CLEC12A: variants seen among roughly 807,000 people sequenced by gnomAD.
CLEC12A encodes C-type lectin domain family 12 member A.
CLEC12A carries 22 observed loss-of-function variants against 26.5 expected under a neutral mutation model. The observed-to-expected ratio is 0.83, with a 90% CI of 0.59 to 1.19. The LOEUF is 1.19. Among genes scored for constraint, CLEC12A ranks in the 50% most tolerant of loss-of-function variants. CLEC12A has a pLI of 0.00. For missense variants in CLEC12A, 353 were observed against 315.6 expected (o/e 1.12, Z -0.90); for synonymous variants, 119 against 101.9 (o/e 1.17, Z -1.01).
At chr12:9,987,042 A>T (rs1163239367), downstream of CLEC12A, among the ~76,000 whole-genome samples, 1 of 152,240 alleles carries the variant, frequency 6.6e-6, no homozygotes, top group African/African-American at 2.4e-5. Context: ...AAAGAGAAAT[A>T]TAAATTTGCT....
chr12:10,003,370 T>C, the CLEC12A span, among the ~76,000 whole-genome samples: 4 of 152,022 alleles, frequency 2.6e-5, no homozygotes, highest in Admixed American at 2.6e-4. Context: ...TTACAAACAG[T>C]AGGGAAACTG....
downstream of CLEC12A, among the ~76,000 whole-genome samples, chr12:9,988,931 C>T (rs1406571943): frequency 1.3e-5 from 2 of 152,120 alleles, no homozygotes; most frequent in Non-Finnish European, 2.9e-5. Context: ...TATTGCAGCA[C>T]TATTCACAAT....
chr12:9,962,270 T>G (rs1484302056), intron 1 of CLEC12A, among the ~76,000 whole-genome samples: 1 of 149,012 alleles, frequency 6.7e-6, no homozygotes, highest in Non-Finnish European at 1.5e-5. Flanking sequence ...TTTTTTTTTT[T>G]TGGATCCCAA....
At chr12:9,990,303 C>T (rs1016773184), downstream of CLEC12A, among the ~76,000 whole-genome samples, 1 of 152,174 alleles carries the variant, frequency 6.6e-6, no homozygotes, top group Non-Finnish European at 1.5e-5. Flanking sequence ...CTGGAGACAA[C>T]TTACCATTCT....
At chr12:9,986,222 G>A, downstream of CLEC12A, 1 of 429,016 alleles carries the variant, frequency 2.3e-6, no homozygotes, top group Non-Finnish European at 4.7e-6. Context: ...AGCAATTTGT[G>A]CGTCAGAACA....
chr12:9,993,395 G>T, intron 4 of CLEC12A: 2 of 588,786 alleles, frequency 3.4e-6, no homozygotes, highest in Non-Finnish European at 5.1e-6. Context: ...GAGGAAAATA[G>T]GAAAAAAAAA....
chr12:9,964,404 G>T (rs1863892474), intron 1 of CLEC12A, among the ~76,000 whole-genome samples: 1 of 152,204 alleles, frequency 6.6e-6, no homozygotes. Flanking sequence ...ACAGCTAGGA[G>T]AGAATGAGTA....
intron 1 of CLEC12A, among the ~76,000 whole-genome samples, chr12:9,977,269 C>T (rs1864375941): frequency 6.6e-6 from 1 of 152,138 alleles, no homozygotes; most frequent in Non-Finnish European, 1.5e-5. Flanking sequence ...AACTTCTGTT[C>T]TCTTTCACAT....
At chr12:9,974,073 C>G (rs1864238256) in intron 1 of CLEC12A, among the ~76,000 whole-genome samples, 1 of 152,172 alleles carries the variant, frequency 6.6e-6, no homozygotes, top group Admixed American at 6.6e-5. Flanking sequence ...TAGGCTTCTG[C>G]CCCCTTGGTG....
At chr12:10,002,306 T>C in the CLEC12A span, among the ~76,000 whole-genome samples, 2 of 152,234 alleles carry the variant, frequency 1.3e-5, no homozygotes, top group African/African-American at 4.8e-5. Flanking sequence ...ATTTAATGAA[T>C]GTTAATTATG....
downstream of CLEC12A, among the ~76,000 whole-genome samples, chr12:10,000,633 T>C (rs763949315): frequency 3.3e-5 from 5 of 152,250 alleles, no homozygotes; most frequent in Non-Finnish European, 5.9e-5. Flanking sequence ...TTCCCAATCA[T>C]AAGCTGGGTA....
chr12:9,980,680 G>T lies in CLEC12A; in HGVS notation c.478G>T (p.Ala160Ser). ...DVQTWQESKM[A>S]CAAQNASLLK... ...CCAAACATGGCAGGAGAGTAAAATG[G>T]CCTGTGCTGCTCAGAATGCCAGCCT... is the stretch of plus-strand genomic sequence containing the variant. The change falls in exon 4 of 6, where the codon GCC (alanine) becomes TCC (serine). Residue 160 changes from alanine to serine, a missense_variant. Transcript: ENST00000304361. 1.2e-6 allele frequency: 2 copies of T among 1,613,828 alleles called. No individual in the cohort carries two copies. Among genetic ancestry groups the T allele is most frequent in the South Asian group, 1.1e-5 (1 of 91,078 alleles).
downstream of CLEC12A, chr12:9,985,742 A>G (rs1041254887): frequency 3.0e-6 from 1 of 328,442 alleles, no homozygotes; most frequent in African/African-American, 2.1e-5. Flanking sequence ...TCCATAACTC[A>G]TAACTGGGAG....
chr12:10,002,440 G>GTTTTTTTT, the CLEC12A span, among the ~76,000 whole-genome samples: 1 of 40,480 alleles, frequency 2.5e-5, no homozygotes, highest in Non-Finnish European at 5.0e-5. Flanking sequence ...GTTGGGTAAT[G>GTTTTTTTT]TTTTTTTTTT....
downstream of CLEC12A, chr12:9,996,692 G>C: frequency 1.3e-6 from 1 of 774,120 alleles, no homozygotes; most frequent in Non-Finnish European, 2.3e-6. Flanking sequence ...TTGAATATCT[G>C]GGTTCTGTAA....
chr12:9,953,170 C>T (rs1173176367), intron 1 of CLEC12A: 3 of 119,594 alleles, frequency 2.5e-5, no homozygotes, highest in Non-Finnish European at 3.5e-5. Context: ...CCATGCCGTC[C>T]GGGAGGGAGG....
At chr12:9,969,698 G>A (rs750064818), upstream of CLEC12A, among the ~76,000 whole-genome samples, 29 of 152,180 alleles carry the variant, frequency 1.9e-4, no homozygotes, top group Admixed American at 3.9e-4. Flanking sequence ...TGTGGTGGCC[G>A]GTTTCCATCC....
chr12:9,977,113 A>G (rs1864370335), intron 1 of CLEC12A, among the ~76,000 whole-genome samples: 1 of 152,182 alleles, frequency 6.6e-6, no homozygotes, highest in Non-Finnish European at 1.5e-5. Context: ...TTTGCTTTTT[A>G]TCACTATGAG....
intron 1 of CLEC12A, among the ~76,000 whole-genome samples, chr12:9,959,767 GA>G (rs1230689723): frequency 2.0e-5 from 3 of 152,128 alleles, no homozygotes; most frequent in Non-Finnish European, 2.9e-5. Context: ...TCTTACCTGG[GA>G]AAAGGTCTTG....
Sources: allele counts gnomAD v4.1 joint callset (sites outside exome capture counted in the v4.1 genomes callset), GRCh38; gene constraint gnomAD v4.1.1; transcripts MANE v1.5; gene names NCBI Gene and HGNC (gene_info 2026-07-23, HGNC 2026-07-21).